Variants in PXDNL observed in about 807,000 individuals in gnomAD.
PXDNL encodes peroxidasin like, also known as probable oxidoreductase PXDNL.
PXDNL carries 145 observed loss-of-function variants against 150.8 expected under a neutral mutation model. The ratio of observed to expected loss-of-function variants is 0.96; its 90% CI spans 0.84 to 1.10. The LOEUF (loss-of-function observed/expected upper bound fraction) is 1.10, where lower values mean the gene tolerates loss of function less well. Among genes scored for constraint, PXDNL ranks in the 50% least tolerant of loss-of-function variants. The probability of loss-of-function intolerance (pLI) is 0.00; values close to 1 mark genes in which losing one functional copy is unlikely to be tolerated. For missense variants in PXDNL, 2,087 were observed against 1,873.9 expected (o/e 1.11, Z -2.10); for synonymous variants, 757 against 725.7 (o/e 1.04, Z -0.69).
chr8:51,602,052 C>T (rs1193371546), intron 2 of PXDNL, among the ~76,000 whole-genome samples: 2 of 151,838 alleles, frequency 1.3e-5, no homozygotes, highest in Admixed American at 1.3e-4. Context: ...AATAGGCCCC[C>T]AAACTCTCCT....
rs757076660 is a variant in PXDNL, at chr8:51,472,295, C to A, written c.704G>T (p.Arg235Leu). 1.2e-6 allele frequency: 2 copies of A among 1,610,676 alleles called. No individual in the cohort carries two copies. Among genetic ancestry groups the A allele is most frequent in the Non-Finnish European group, 1.7e-6 (2 of 1,177,666 alleles). Reference protein sequence around the residue: ...TVEEFNCQSPRITFEPQDVEV... With the variant: ...TVEEFNCQSPLITFEPQDVEV... ...CACATCCTGCGGCTCAAAAGTAATT[C>A]GGGGGCTCTCTGCAACAAAAGAATT... The change falls in exon 8 of 23, where the codon CGA (arginine) becomes CTA (leucine). Residue 235 changes from arginine (R) to leucine (L), a missense_variant. Physicochemically the swap from Arg to Leu is moderately radical, Grantham distance 102. Coordinates refer to ENST00000356297, the MANE Select transcript of PXDNL (RefSeq NM_144651.5).
chr8:51,326,437 G>A (rs1563358393), intron 21 of PXDNL, among the ~76,000 whole-genome samples: 1 of 152,208 alleles, frequency 6.6e-6, no homozygotes, highest in South Asian at 2.1e-4. Context: ...AGCAGAGGTT[G>A]CAGTGAGCCG....
intron 17 of PXDNL, among the ~76,000 whole-genome samples, chr8:51,383,671 A>T (rs974247312): frequency 2.6e-5 from 4 of 152,228 alleles, no homozygotes; most frequent in Non-Finnish European, 5.9e-5. Context: ...CACACATGGA[A>T]TAATAAGAGT....
intron 17 of PXDNL, among the ~76,000 whole-genome samples, chr8:51,392,010 G>T (rs1807925679): frequency 6.6e-6 from 1 of 152,146 alleles, no homozygotes; most frequent in Admixed American, 6.5e-5. Context: ...TTTCCCCATT[G>T]CTTGTTTTTC....
chr8:51,623,818 G>C (rs185626488), intron 2 of PXDNL, among the ~76,000 whole-genome samples: 21 of 152,294 alleles, frequency 1.4e-4, no homozygotes, highest in Admixed American at 6.5e-4. Flanking sequence ...AGCCAGGCAT[G>C]GTGGGTGACT....
chr8:51,502,045 G>A (rs1209093636), intron 4 of PXDNL, among the ~76,000 whole-genome samples: 1 of 152,218 alleles, frequency 6.6e-6, no homozygotes, highest in Non-Finnish European at 1.5e-5. Context: ...AAGTGCTGAT[G>A]AGGGCATCAA....
At position 51,499,754 on chromosome 8, in the gene PXDNL, G is replaced by T; in HGVS notation, c.397C>A (p.Gln133Lys). The change falls in exon 5 of 23, where the codon CAA becomes AAA. Residue 133 changes from glutamine to lysine, a missense_variant. Physicochemically the swap from Gln to Lys is moderately conservative, Grantham distance 53. Coordinates refer to ENST00000356297, the MANE Select transcript of PXDNL (RefSeq NM_144651.5). ...GTCTCTGGCTGTAGCATTTCTAGTT[G>T]GTTGAAATGAATATACCTGGAAGGC... ...SLEHLYIHFN[Q>K]LEMLQPETFG... The T allele has an allele frequency of 6.2e-7, 1 of 1,612,542 alleles. No individual in the cohort carries two copies. Among genetic ancestry groups the T allele is most frequent in the Non-Finnish European group, 8.5e-7 (1 of 1,178,714 alleles).
intron 4 of PXDNL, among the ~76,000 whole-genome samples, chr8:51,524,379 A>C (rs544753048): frequency 6.6e-6 from 1 of 152,214 alleles, no homozygotes; most frequent in Admixed American, 6.5e-5. Flanking sequence ...ATAAATTTTT[A>C]TGGCTGGCAT....
intron 1 of PXDNL, among the ~76,000 whole-genome samples, chr8:51,754,935 C>G (rs1254674132): frequency 1.3e-5 from 2 of 152,210 alleles, no homozygotes; most frequent in South Asian, 4.1e-4. Context: ...GTGGCCTATA[C>G]TGGCCTCAAA....
rs60659791 is a variant in PXDNL at position 51,565,282 on chromosome 8, CTAAATAAATAAA to C, written c.309-8383_309-8372del. Among the ~76,000 whole-genome samples the C allele has an allele frequency of 1.5e-3, 203 of 132,566 alleles. 4 individuals carry two copies. Among genetic ancestry groups the C allele is most frequent in the African/African-American group, 3.0e-3 (109 of 36,572 alleles). The allele number at this position is 132,566 out of a possible 152,430, so 87.0% of individuals were successfully genotyped here. A position where few individuals can be genotyped will look rare whatever the true frequency, so the allele number is the denominator to read the frequency against. ...CCCTTCAGCTGCAATATATCTTTTC[CTAAATAAATAAA>C]TAAATAAATAAATAAATAAATAAAT... On this transcript the variant is annotated intron_variant, in intron 3 of 22. Transcript: ENST00000356297.
chr8:51,549,642 G>A (rs2130515150), intron 4 of PXDNL, among the ~76,000 whole-genome samples: 1 of 152,188 alleles, frequency 6.6e-6, no homozygotes, highest in African/African-American at 2.4e-5. Context: ...AATGATGATA[G>A]TGACACAACT....
chr8:51,720,110 A>G (rs28694280), intron 1 of PXDNL, among the ~76,000 whole-genome samples: 1,614 of 152,168 alleles, frequency 0.011, 26 homozygotes, highest in African/African-American at 0.032. Flanking sequence ...AAACCTCAGT[A>G]ATAAAAGAAA....
intron 1 of PXDNL, among the ~76,000 whole-genome samples, chr8:51,786,550 C>T (rs2129252732): frequency 6.6e-6 from 1 of 151,676 alleles, no homozygotes; most frequent in Middle Eastern, 3.4e-3. Context: ...CACCCCCATG[C>T]CCACCTCTTC....
At chr8:51,702,818 C>T (rs1347490016) in intron 1 of PXDNL, among the ~76,000 whole-genome samples, 1 of 151,608 alleles carries the variant, frequency 6.6e-6, no homozygotes, top group Non-Finnish European at 1.5e-5. Context: ...CAGTTGTTGT[C>T]AAATGTATCC....
At chr8:51,573,623 G>T (rs976633027) in intron 3 of PXDNL, among the ~76,000 whole-genome samples, 3 of 151,952 alleles carry the variant, frequency 2.0e-5, no homozygotes, top group African/African-American at 7.2e-5. Context: ...GGAATCAATG[G>T]AAGCCACATG....
At chr8:51,700,585 CACATATACACACAT>C (rs1816236946) in intron 1 of PXDNL, among the ~76,000 whole-genome samples, 1 of 9,430 alleles carries the variant, frequency 1.1e-4, no homozygotes, top group Admixed American at 1.3e-3. Flanking sequence ...CCCATATACA[CACATATACACACAT>C]ACAGACACAA....
chr8:51,409,869 A>T (rs1336009122), intron 16 of PXDNL, among the ~76,000 whole-genome samples: 2 of 152,136 alleles, frequency 1.3e-5, no homozygotes, highest in Non-Finnish European at 2.9e-5. Context: ...ATGTTTCCAG[A>T]AGACCCGGGA....
intron 1 of PXDNL, among the ~76,000 whole-genome samples, chr8:51,747,833 A>C (rs2037002221): frequency 1.3e-5 from 2 of 152,198 alleles, no homozygotes; most frequent in African/African-American, 4.8e-5. Flanking sequence ...TTTGTGTATA[A>C]AAGTCACCTT....
At chr8:51,501,728 ACACT>A (rs763009349) in intron 4 of PXDNL, among the ~76,000 whole-genome samples, 10 of 152,152 alleles carry the variant, frequency 6.6e-5, no homozygotes, top group African/African-American at 1.4e-4. Context: ...ATACTCCCAC[ACACT>A]CACACACTGT....
Sources: gnomAD v4.1 joint callset for allele counts (sites outside exome capture counted in the v4.1 genomes callset) on GRCh38, gnomAD v4.1.1 for gene constraint, MANE v1.5 for transcripts, NCBI Gene and HGNC (gene_info 2026-07-23, HGNC 2026-07-21) for gene names.